KDM4C: variants seen among roughly 807,000 people sequenced by gnomAD.
KDM4C encodes the protein lysine demethylase 4C.
Under a neutral mutation model 129.3 loss-of-function variants are expected in KDM4C, and 81 were observed. That is an observed-to-expected ratio of 0.63 (90% CI 0.52 to 0.75). The LOEUF (loss-of-function observed/expected upper bound fraction) is 0.75, where lower values mean the gene tolerates loss of function less well. Ranked by LOEUF, KDM4C falls within the 30% of genes least tolerant of loss-of-function variation. The pLI is 0.00. For missense variants in KDM4C, 1,457 were observed against 1,304.0 expected (o/e 1.12, Z -1.81); for synonymous variants, 573 against 456.1 (o/e 1.26, Z -3.26).
At position 6,991,286 on chromosome 9, in the gene KDM4C, A is replaced by G. The variant is rs117835030; in HGVS notation, c.1786+762A>G. On this transcript the variant is annotated intron_variant, in intron 12 of 21. Transcript: ENST00000381309. The stretch of plus-strand genomic sequence containing the variant: ...TTTTTTTGTAGAGATGGGTTTTGCT[A>G]TTGCCCAGGCTAGTCTTGAACTCCT... Among the ~76,000 whole-genome samples the G allele has an allele frequency of 1.5e-3, 235 of 152,034 alleles. 2 individuals carry two copies. In the East Asian group the frequency reaches 0.034, roughly 22 times the overall value.
chr9:6,846,552 A>T (rs1383097617), intron 4 of KDM4C, among the ~76,000 whole-genome samples: 1 of 152,222 alleles, frequency 6.6e-6, no homozygotes, highest in Admixed American at 6.5e-5. Flanking sequence ...AATAAGATTT[A>T]TCTCTGTTGG....
At chr9:6,776,430 T>C (rs953846785) in intron 1 of KDM4C, among the ~76,000 whole-genome samples, 9 of 151,854 alleles carry the variant, frequency 5.9e-5, no homozygotes, top group South Asian at 2.1e-4. Context: ...ACCAGCTAAT[T>C]TTTTGTATTT....
At chr9:6,919,460 C>A (rs1381788073) in intron 8 of KDM4C, among the ~76,000 whole-genome samples, 3 of 150,048 alleles carry the variant, frequency 2.0e-5, no homozygotes, top group Non-Finnish European at 4.4e-5. Context: ...ACCTGCTATC[C>A]CTTTTCTTTG....
intron 4 of KDM4C, among the ~76,000 whole-genome samples, chr9:6,847,753 A>C (rs114974230): frequency 1.5e-3 from 225 of 152,300 alleles, no homozygotes; most frequent in African/African-American, 5.2e-3. Context: ...CGTGTGGCCT[A>C]AGTTGTAGAT....
chr9:6,912,172 G>C (rs1819438718), intron 8 of KDM4C, among the ~76,000 whole-genome samples: 1 of 152,138 alleles, frequency 6.6e-6, no homozygotes, highest in Non-Finnish European at 1.5e-5. Flanking sequence ...CTTATTTCCT[G>C]CCCACCTGCC....
At chr9:6,874,170 G>A (rs1208858146) in intron 5 of KDM4C, among the ~76,000 whole-genome samples, 2 of 152,188 alleles carry the variant, frequency 1.3e-5, no homozygotes, top group Non-Finnish European at 2.9e-5. Context: ...CATTCAAAGC[G>A]AGCACATGCT....
chr9:7,156,754 A>C (rs1843214579), intron 19 of KDM4C, among the ~76,000 whole-genome samples: 1 of 152,200 alleles, frequency 6.6e-6, no homozygotes, highest in African/African-American at 2.4e-5. Flanking sequence ...TGGTTACTGT[A>C]GCCTTGTAGT....
intron 2 of KDM4C, among the ~76,000 whole-genome samples, chr9:6,799,732 G>C (rs1199038081): frequency 1.3e-5 from 2 of 148,616 alleles, no homozygotes; most frequent in Non-Finnish European, 3.0e-5. Flanking sequence ...TGCTAATGAA[G>C]AGCCTGAATA....
At chr9:6,880,105 TC>T in intron 6 of KDM4C, 44 bp downstream of exon 6, 1 of 1,335,126 alleles carries the variant, frequency 7.5e-7, no homozygotes, top group Non-Finnish European at 1.1e-6. Flanking sequence ...TTTATATGTT[TC>T]TGTGTTTTGT....
At chr9:6,834,026 A>T (rs1835387408) in intron 4 of KDM4C, among the ~76,000 whole-genome samples, 1 of 142,016 alleles carries the variant, frequency 7.0e-6, no homozygotes, top group African/African-American at 2.7e-5. Flanking sequence ...CTCATGGGAT[A>T]TGACTCAAGA....
chr9:6,991,256 A>C (rs1246458209), intron 12 of KDM4C, among the ~76,000 whole-genome samples: 1 of 151,930 alleles, frequency 6.6e-6, no homozygotes, highest in Admixed American at 6.6e-5. Flanking sequence ...TTTAAAAAAA[A>C]AATTTTTTTT....
chr9:6,970,806 A>ACCCCTG (rs1831848191), intron 8 of KDM4C, among the ~76,000 whole-genome samples: 1 of 121,278 alleles, frequency 8.2e-6, no homozygotes, highest in African/African-American at 3.2e-5. Flanking sequence ...CCCCGCCCCT[A>ACCCCTG]ACCCCCACCC....
At chr9:7,109,933 T>C (rs765041593) in intron 18 of KDM4C, among the ~76,000 whole-genome samples, 4 of 152,178 alleles carry the variant, frequency 2.6e-5, no homozygotes, top group Non-Finnish European at 4.4e-5. Flanking sequence ...CTGATGGCTT[T>C]ATAAAGGGCT....
intron 1 of KDM4C, among the ~76,000 whole-genome samples, chr9:6,790,263 T>C (rs964006724): frequency 6.6e-6 from 1 of 150,778 alleles, no homozygotes; most frequent in African/African-American, 2.4e-5. Context: ...CTGTTTTTTT[T>C]GTTTTTTTGT....
At chr9:6,789,475 C>A (rs1005185606) in intron 1 of KDM4C, among the ~76,000 whole-genome samples, 3 of 152,140 alleles carry the variant, frequency 2.0e-5, no homozygotes, top group Admixed American at 6.5e-5. Flanking sequence ...CCACCTCAGC[C>A]TCCCAAAGTG....
At chr9:7,158,123 A>AT (rs1843385914) in intron 19 of KDM4C, among the ~76,000 whole-genome samples, 1 of 151,146 alleles carries the variant, frequency 6.6e-6, no homozygotes, top group South Asian at 2.1e-4. Flanking sequence ...TTTCTTCTAG[A>AT]TTTTCTAGTT....
At chr9:7,037,678 A>C (rs1827884511) in intron 15 of KDM4C, among the ~76,000 whole-genome samples, 1 of 152,026 alleles carries the variant, frequency 6.6e-6, no homozygotes, top group Non-Finnish European at 1.5e-5. Context: ...AAAGTACAAA[A>C]CTGTTCAGAA....
At chr9:6,876,645 C>A (rs989626370) in intron 5 of KDM4C, among the ~76,000 whole-genome samples, 1 of 152,144 alleles carries the variant, frequency 6.6e-6, no homozygotes, top group Non-Finnish European at 1.5e-5. Flanking sequence ...TGCAGTTGCC[C>A]ATCAAAGTAG....
chr9:7,057,536 G>T (rs4742293), intron 17 of KDM4C, among the ~76,000 whole-genome samples: 94,265 of 152,188 alleles, frequency 0.62, 29,826 homozygotes, highest in Admixed American at 0.68. Context: ...AAATTATGGT[G>T]ATTGTGAGGA....
Sources: gnomAD v4.1 joint callset for allele counts (sites outside exome capture counted in the v4.1 genomes callset) on GRCh38, gnomAD v4.1.1 for gene constraint, MANE v1.5 for transcripts, NCBI Gene and HGNC (gene_info 2026-07-23, HGNC 2026-07-21) for gene names.